The following PELP1 variants were observed in gnomAD, a reference collection of about 807,000 sequenced individuals.
PELP1 encodes proline-, glutamic acid- and leucine-rich protein 1.
In PELP1, 32 loss-of-function variants were observed where a neutral mutation model predicts 95.5. The ratio of observed to expected loss-of-function variants is 0.34; its 90% CI spans 0.25 to 0.45. PELP1 has a LOEUF of 0.45. PELP1 is among the 20% of genes least tolerant of loss of function. PELP1 has a pLI of 1.00. For synonymous variants in PELP1, 668 were observed against 600.1 expected (o/e 1.11, Z -1.65); for missense variants, 1,358 against 1,444.8 (o/e 0.94, Z 0.97).
rs368997670 is a variant in PELP1, at chr17:4,704,076, G to T, written c.36C>A (p.Gly12=). The change falls in exon 1 of 17, where the codon GGC becomes GGA. Residue 12 remains glycine (G), a synonymous_variant. Coordinates refer to ENST00000572293, the MANE Select transcript of PELP1 (RefSeq NM_014389.3). ...AAAVLSGPSA[G]SAAGVPGGTG... The stretch of plus-strand genomic sequence containing the variant: ...TCCCGCCAGGAACCCCAGCCGCGGA[G>T]CCCGCAGAGGGCCCACTCAGAACGG... 2 of 1,611,264 alleles carry T rather than the reference G, an allele frequency of 1.2e-6. No homozygotes were observed. The highest frequency in any genetic ancestry group is 2.2e-5 in the East Asian group (1 of 44,860).
In PELP1 at chr17:4,675,283, AG is replaced by A; in HGVS notation, c.1147del (p.Leu383SerfsTer15). 6.3e-7 allele frequency: 1 copy of A among 1,575,994 alleles called. No homozygotes were observed. The highest frequency in any genetic ancestry group is 8.6e-7 in the Non-Finnish European group (1 of 1,161,022). ...HLEALDLLSA[L>X]ILACGSRLLR... ...GCCCAATCCCACTCACGCGAGGATG[AG>A]TGCAGACAGCAGGTCCAAGGCCTCA... On this transcript the variant is annotated frameshift_variant, in exon 10 of 17. Transcript: ENST00000572293. LOFTEE classifies it high-confidence loss of function. The surrounding 1 kb of genome is among the most constrained non-coding windows in gnomAD (Gnocchi z 4.3).
chr17:4,679,032 C>CTT (rs58935401), intron 5 of PELP1, among the ~76,000 whole-genome samples: 9 of 146,578 alleles, frequency 6.1e-5, no homozygotes, highest in Middle Eastern at 3.3e-3. Context: ...TCCAGATGAC[C>CTT]TTTTTTTTTT....
In PELP1 at chr17:4,673,084, G is replaced by A. The variant is rs910296508; in HGVS notation, c.1907C>T (p.Pro636Leu). The change falls in exon 16 of 17, where the codon CCT (proline) becomes CTT (leucine). Residue 636 changes from proline (P) to leucine (L), a missense_variant. Transcript: ENST00000572293. This position sits in a 1 kb window ranked among gnomAD's most constrained non-coding sequence, Gnocchi z 5.7. ...GGTGGGGCCCATGGGCTGCAGGGGA[G>A]GAACCCGGGGGTGGGTCAGAGCAGC... ...TCAALTHPRVPPLQPMGPTCP... is the reference protein window; with the variant it reads ...TCAALTHPRVLPLQPMGPTCP... The A allele has an allele frequency of 1.3e-6, 2 of 1,523,968 alleles. No homozygotes were observed. The highest frequency in any genetic ancestry group is 1.8e-6 in the Non-Finnish European group (2 of 1,138,592). The allele number at this position is 1,523,968 out of a possible 1,614,324, so 94.4% of individuals were successfully genotyped here.
rs932185555 is a variant in PELP1 at position 4,675,422 on chromosome 17, C to G, written c.1069-60G>C. On this transcript the variant is annotated intron_variant, in intron 9 of 16. Coordinates refer to ENST00000572293, the MANE Select transcript of PELP1 (RefSeq NM_014389.3). The surrounding 1 kb of genome is among the most constrained non-coding windows in gnomAD (Gnocchi z 4.3). Reference sequence around the variant, plus strand: ...GAAGAAAGTGAGAGCCAGAGAGAGACAGAAACAGGGAATGACCATTTACAT... The same window carrying G: ...GAAGAAAGTGAGAGCCAGAGAGAGAGAGAAACAGGGAATGACCATTTACAT... The G allele has an allele frequency of 1.9e-6, 2 of 1,073,610 alleles. No homozygotes were observed. Among genetic ancestry groups the G allele is most frequent in the African/African-American group, 3.1e-5 (2 of 64,048 alleles). The allele number at this position is 1,073,610 out of a possible 1,614,324, so 66.5% of individuals were successfully genotyped here.
chr17:4,673,513 G>A lies in PELP1; in HGVS notation c.1639-57C>T. On this transcript the variant is annotated intron_variant, in intron 14 of 16. Coordinates refer to ENST00000572293, the MANE Select transcript of PELP1 (RefSeq NM_014389.3). The surrounding 1 kb of genome is among the most constrained non-coding windows in gnomAD (Gnocchi z 5.7). The stretch of plus-strand genomic sequence containing the variant: ...CCCAAGACCACCCAACCCTTCTCCA[G>A]AGCCTACTCCCAGGTCGGAATGGAC... 6.4e-7 allele frequency: 1 copy of A among 1,567,060 alleles called. No individual in the cohort carries two copies. Among genetic ancestry groups the A allele is most frequent in the South Asian group, 1.1e-5 (1 of 89,266 alleles).
intron 3 of PELP1, among the ~76,000 whole-genome samples, chr17:4,684,236 GC>G (rs1481835744): frequency 1.3e-5 from 2 of 152,046 alleles, no homozygotes; most frequent in African/African-American, 4.8e-5. Context: ...AACGACACAG[GC>G]CCTCATCCCT....
At chr17:4,699,897 ATTT>A (rs34806511) in intron 1 of PELP1, among the ~76,000 whole-genome samples, 2 of 86,740 alleles carry the variant, frequency 2.3e-5, no homozygotes, top group African/African-American at 4.7e-5. Context: ...CTAGAGGGTG[ATTT>A]TTTTTTTTTT....
rs760263648 is a variant in PELP1 at position 4,672,091 on chromosome 17, G to C, written c.2900C>G (p.Thr967Arg). ...ACCTTCTTCTACCTCCCCTCCTGCT[G>C]TGCCAAACTCCAGGTCTTCCACCTC... Reference protein sequence around the residue: ...LEEVEDLEFGTAGGEVEEGAP... With the variant: ...LEEVEDLEFGRAGGEVEEGAP... Residue 967 changes from threonine (T) to arginine (R), a missense_variant, in exon 16 of 17, where the codon ACA becomes AGA. By Grantham distance (71) the Thr-to-Arg change is moderately conservative (BLOSUM62 -1). Around this residue, in one of 7 missense-constraint regions of PELP1, gnomAD observed 283 missense variants for 284.1 expected, o/e 1.00. Transcript: ENST00000572293. The C allele has an allele frequency of 6.6e-5, 103 of 1,555,000 alleles. No homozygotes were observed. The highest frequency in any genetic ancestry group is 1.7e-4 in the Middle Eastern group (1 of 5,944).
rs768849430 is a variant in PELP1 at position 4,703,982 on chromosome 17, A to T, written c.130T>A (p.Leu44Met). 2.2e-5 allele frequency: 35 copies of T among 1,613,398 alleles called. No homozygotes were observed. In the South Asian group the frequency reaches 3.6e-4, roughly 17 times the overall value. The part of the protein sequence containing the change: ...RLLLLESVSG[L>M]LQPRTGSAVA... ...GCAGACCCCGTTCGAGGTTGCAGCAAACCAGAAACACTCTCCAGCAGCAGC... is the reference window on the plus strand; with the variant it reads ...GCAGACCCCGTTCGAGGTTGCAGCATACCAGAAACACTCTCCAGCAGCAGC... Residue 44 changes from leucine (L) to methionine (M), a missense_variant, in exon 1 of 17, where the codon TTG becomes ATG. By Grantham distance (15) the Leu-to-Met change is conservative. Transcript: ENST00000572293.
chr17:4,682,763 T>G, intron 4 of PELP1, 40 bp downstream of exon 4: 1 of 1,535,444 alleles, frequency 6.5e-7, no homozygotes. Flanking sequence ...AGGTGAGGAC[T>G]GCGGGGGGCC....
intron 1 of PELP1, among the ~76,000 whole-genome samples, chr17:4,695,739 G>T (rs1475750777): frequency 6.6e-6 from 1 of 150,922 alleles, no homozygotes; most frequent in Non-Finnish European, 1.5e-5. Context: ...AGCACTTGGG[G>T]AGGCCAAGGT....
chr17:4,678,465 T>C (rs1025839905), intron 5 of PELP1, among the ~76,000 whole-genome samples: 1 of 152,166 alleles, frequency 6.6e-6, no homozygotes, highest in African/African-American at 2.4e-5. Flanking sequence ...AGCGAGACCC[T>C]ATCTCCAAAA....
At chr17:4,690,231 G>A (rs2135913) in intron 3 of PELP1, among the ~76,000 whole-genome samples, 148,855 of 152,224 alleles carry the variant, frequency 0.98, 72,862 homozygotes, top group Middle Eastern at 1. Context: ...CTATGAGGAC[G>A]CAAAGGCATA....
At chr17:4,688,423 A>G (rs550853824) in intron 3 of PELP1, among the ~76,000 whole-genome samples, 1 of 152,242 alleles carries the variant, frequency 6.6e-6, no homozygotes, top group Admixed American at 6.5e-5. Context: ...CACCAGTGAT[A>G]TGATCATATA....
rs8071990 is a variant in PELP1, at chr17:4,676,343, G to A, written c.853+14C>T. ...CTCACTATTGTTCCACTAACTAGCAGCCCTGGTCCCTACCAGTCTCTGCTC... is the reference window on the plus strand; with the variant it reads ...CTCACTATTGTTCCACTAACTAGCAACCCTGGTCCCTACCAGTCTCTGCTC... On this transcript the variant is annotated intron_variant, in intron 7 of 16. Transcript: ENST00000572293. 1,157,442 of 1,610,098 alleles carry A rather than the reference G, an allele frequency of 0.72. 421,835 individuals carry two copies. Among genetic ancestry groups the A allele is most frequent in the East Asian group, 1 (44,800 of 44,854 alleles).
In PELP1 at chr17:4,683,363, A is replaced by G. The variant is rs373980317; in HGVS notation, c.421-411T>C. On this transcript the variant is annotated intron_variant, in intron 3 of 16. Transcript: ENST00000572293. The stretch of plus-strand genomic sequence containing the variant: ...AGCCTCCCGAGTAGCTGAGACTACA[A>G]GCGCCCGCCACCACGCCTGACTAAT... Among the ~76,000 whole-genome samples the G allele has an allele frequency of 6.3e-3, 950 of 150,284 alleles. 7 individuals are homozygous for G. Among genetic ancestry groups the G allele is most frequent in the East Asian group, 0.023 (116 of 5,094 alleles).
chr17:4,687,151 G>A (rs951771706), intron 3 of PELP1, among the ~76,000 whole-genome samples: 1 of 152,168 alleles, frequency 6.6e-6, no homozygotes, highest in Non-Finnish European at 1.5e-5. Flanking sequence ...CCCAGCTGAA[G>A]TCAGATTCTC....
intron 3 of PELP1, among the ~76,000 whole-genome samples, chr17:4,687,346 CATCCTG>C (rs1471350557): frequency 6.6e-6 from 1 of 152,080 alleles, no homozygotes; most frequent in Non-Finnish European, 1.5e-5. Context: ...AGATCGAGAT[CATCCTG>C]ACTAACATGG....
At chr17:4,690,664 G>A (rs544277507) in intron 3 of PELP1, among the ~76,000 whole-genome samples, 1 of 152,320 alleles carries the variant, frequency 6.6e-6, no homozygotes, top group South Asian at 2.1e-4. Flanking sequence ...AGAGGATGCA[G>A]TGAGCCAAGA....
Sources: gnomAD v4.1 joint callset for allele counts (sites outside exome capture counted in the v4.1 genomes callset) on GRCh38, gnomAD v4.1.1 for gene constraint, gnomAD v4.1.1 regional missense constraint, Gnocchi (gnomAD v3.1) non-coding constraint, MANE v1.5 for transcripts, NCBI Gene and HGNC (gene_info 2026-07-23, HGNC 2026-07-21) for gene names.